Variants in CADM2 observed in about 807,000 individuals in gnomAD.
CADM2 encodes cell adhesion molecule 2, also known as immunoglobulin superfamily member 4D.
In CADM2, 12 loss-of-function variants were observed where a neutral mutation model predicts 49.8. The observed-to-expected ratio is 0.24, with a 90% CI of 0.15 to 0.39. The LOEUF is 0.39. Ranked by LOEUF, CADM2 falls within the 10% of genes least tolerant of loss-of-function variation. The probability of loss-of-function intolerance (pLI) is 1.00; values close to 1 mark genes in which losing one functional copy is unlikely to be tolerated. For missense variants in CADM2, 378 were observed against 492.3 expected (o/e 0.77, Z 2.20); for synonymous variants, 214 against 175.4 (o/e 1.22, Z -1.74).
At chr3:85,763,205 G>A (rs2069480175) in intron 2 of CADM2, among the ~76,000 whole-genome samples, 1 of 152,106 alleles carries the variant, frequency 6.6e-6, no homozygotes, top group African/African-American at 2.4e-5. Context: ...CCAGAAGCAG[G>A]AGCCTCTGTT....
At chr3:85,912,308 T>C in intron 5 of CADM2, 65 bp from the exon 6 acceptor site, 1 of 1,214,884 alleles carries the variant, frequency 8.2e-7, no homozygotes, top group Non-Finnish European at 1.1e-6. Context: ...TCCATTATCT[T>C]GAGTAAATGC....
chr3:85,255,565 G>T (rs1202299788), intron 1 of CADM2, among the ~76,000 whole-genome samples: 1 of 151,754 alleles, frequency 6.6e-6, no homozygotes, highest in Admixed American at 6.6e-5. Flanking sequence ...GATAATTAAA[G>T]TATCTACTTT....
intron 1 of CADM2, among the ~76,000 whole-genome samples, chr3:85,560,123 A>C (rs1430702646): frequency 1.3e-5 from 2 of 152,184 alleles, no homozygotes; most frequent in East Asian, 3.9e-4. Flanking sequence ...TTATAGAAAA[A>C]AAAGTATGCC....
chr3:85,865,131 C>T (rs1318636599), intron 3 of CADM2, among the ~76,000 whole-genome samples: 2 of 152,158 alleles, frequency 1.3e-5, no homozygotes, highest in Non-Finnish European at 2.9e-5. Context: ...TGTTTGAAGC[C>T]ACAGCCCAGG....
chr3:85,516,430 G>A (rs1446731157), intron 1 of CADM2, among the ~76,000 whole-genome samples: 1 of 152,018 alleles, frequency 6.6e-6, no homozygotes, highest in Non-Finnish European at 1.5e-5. Context: ...TTATAGTAAG[G>A]AAACATAAAT....
At chr3:85,054,883 A>G (rs2036019589) in intron 1 of CADM2, among the ~76,000 whole-genome samples, 1 of 151,906 alleles carries the variant, frequency 6.6e-6, no homozygotes, top group South Asian at 2.1e-4. Flanking sequence ...TCAAGTCTAT[A>G]TGGATCTTGA....
intron 1 of CADM2, among the ~76,000 whole-genome samples, chr3:85,556,576 C>G (rs930175323): frequency 6.6e-6 from 1 of 152,088 alleles, no homozygotes; most frequent in Non-Finnish European, 1.5e-5. Flanking sequence ...TGACAGCAGT[C>G]GTTATTTAAA....
chr3:85,720,472 A>G (rs2067459975), intron 1 of CADM2, among the ~76,000 whole-genome samples: 1 of 152,164 alleles, frequency 6.6e-6, no homozygotes, highest in Admixed American at 6.5e-5. Flanking sequence ...TATTTCTATT[A>G]AGAGTTATTT....
intron 7 of CADM2, among the ~76,000 whole-genome samples, chr3:85,944,294 G>A (rs1722359113): frequency 6.6e-6 from 1 of 152,046 alleles, no homozygotes; most frequent in Admixed American, 6.6e-5. Context: ...GACCTGCAAA[G>A]AGACTTAGAC....
intron 1 of CADM2, among the ~76,000 whole-genome samples, chr3:85,467,386 G>T (rs974907854): frequency 6.6e-6 from 1 of 151,992 alleles, no homozygotes; most frequent in African/African-American, 2.4e-5. Context: ...TTGATTCTAT[G>T]AAATGCATAA....
intron 2 of CADM2, among the ~76,000 whole-genome samples, chr3:85,761,795 A>G (rs1219892088): frequency 6.6e-6 from 1 of 152,202 alleles, no homozygotes; most frequent in Non-Finnish European, 1.5e-5. Flanking sequence ...TGTCTTTCAT[A>G]TAAAGCAGGC....
chr3:85,130,611 AT>A (rs2039194915), intron 1 of CADM2, among the ~76,000 whole-genome samples: 1 of 152,216 alleles, frequency 6.6e-6, no homozygotes, highest in African/African-American at 2.4e-5. Context: ...CCTGTATAAA[AT>A]AATTGGTCAT....
intron 8 of CADM2, among the ~76,000 whole-genome samples, chr3:86,027,524 C>T (rs1251198202): frequency 2.6e-5 from 4 of 152,086 alleles, no homozygotes; most frequent in Non-Finnish European, 5.9e-5. Context: ...ACTATGCTCT[C>T]TTTTTGACTA....
intron 1 of CADM2, among the ~76,000 whole-genome samples, chr3:85,297,835 C>T (rs923826558): frequency 1.6e-4 from 24 of 152,044 alleles, no homozygotes; most frequent in African/African-American, 5.8e-4. Context: ...GGAATATAAC[C>T]TTGTCAAGGG....
chr3:86,037,204 T>C (rs2107200993), intron 8 of CADM2, among the ~76,000 whole-genome samples: 1 of 152,290 alleles, frequency 6.6e-6, no homozygotes, highest in East Asian at 1.9e-4. Flanking sequence ...TTCTACCAAG[T>C]GTTAGTTTCA....
intron 1 of CADM2, among the ~76,000 whole-genome samples, chr3:85,244,356 C>T (rs1281284573): frequency 6.6e-6 from 1 of 152,084 alleles, no homozygotes; most frequent in Admixed American, 6.6e-5. Flanking sequence ...TTAAAATAAG[C>T]ATTGATTGAA....
chr3:85,383,534 A>G (rs1024910758), intron 1 of CADM2, among the ~76,000 whole-genome samples: 2 of 146,142 alleles, frequency 1.4e-5, no homozygotes, highest in African/African-American at 2.5e-5. Context: ...ATATATATAT[A>G]TATACATATA....
chr3:85,789,093 C>T (rs754609947), intron 2 of CADM2, among the ~76,000 whole-genome samples: 34 of 152,056 alleles, frequency 2.2e-4, no homozygotes, highest in Non-Finnish European at 3.8e-4. Context: ...AGTTATGTCC[C>T]ACCCAGTCAA....
At chr3:85,604,542 G>T (rs1486685316) in intron 1 of CADM2, among the ~76,000 whole-genome samples, 1 of 151,900 alleles carries the variant, frequency 6.6e-6, no homozygotes, top group African/African-American at 2.4e-5. Context: ...TCTTACAATT[G>T]CTACACAACA....
Sources: gnomAD v4.1 joint callset for allele counts (sites outside exome capture counted in the v4.1 genomes callset) on GRCh38, gnomAD v4.1.1 for gene constraint, MANE v1.5 for transcripts, NCBI Gene and HGNC (gene_info 2026-07-23, HGNC 2026-07-21) for gene names.